DECR2: variants seen among roughly 807,000 people sequenced by gnomAD.
DECR2 encodes the protein peroxisomal 2,4-dienoyl-CoA reductase [(3E)-enoyl-CoA-producing].
DECR2 carries 34 observed loss-of-function variants against 29.2 expected under a neutral mutation model. That is an observed-to-expected ratio of 1.16 (90% CI 0.89 to 1.55). The LOEUF is 1.55. Among genes scored for constraint, DECR2 ranks in the 40% most tolerant of loss-of-function variants. The probability of loss-of-function intolerance (pLI) is 0.00; values close to 1 mark genes in which losing one functional copy is unlikely to be tolerated. For synonymous variants in DECR2, 224 were observed against 182.7 expected, an observed-to-expected ratio of 1.23 and a Z score of -1.82; for missense variants, 485 against 425.3, an observed-to-expected ratio of 1.14 and a Z score of -1.23.
rs1366911231 is a variant in DECR2 at position 410,850 on chromosome 16, C to G, written c.556+66C>G. On this transcript the variant is annotated intron_variant, in intron 6 of 8. Transcript: ENST00000219481. This position sits in a 1 kb window ranked among gnomAD's most constrained non-coding sequence, Gnocchi z 4.1. ...CCCCAATGGGCCGTCTGCTTCCATC[C>G]CAGGAGGCCAGCAGTCTCCACTTGA... 5 of 1,521,632 alleles carry G rather than the reference C, an allele frequency of 3.3e-6. No homozygotes were observed. The highest frequency in any genetic ancestry group is 4.5e-6 in the Non-Finnish European group (5 of 1,123,436). The allele number at this position is 1,521,632 out of a possible 1,614,324, so 94.3% of individuals were successfully genotyped here.
At chr16:406,071 C>T (rs900136038) in intron 2 of DECR2, among the ~76,000 whole-genome samples, 1 of 152,186 alleles carries the variant, frequency 6.6e-6, no homozygotes, top group Admixed American at 6.5e-5. Flanking sequence ...GTGGGCTGGG[C>T]GTCTGTGGCT....
rs2141805834 is a variant in DECR2, at chr16:405,217, C to T, written c.149+193C>T. 7.6e-6 allele frequency: 5 copies of T among 656,968 alleles called. 1 individual carries two copies. In the East Asian group the frequency reaches 1.1e-4, roughly 14 times the overall value. 40.7% of individuals were successfully genotyped at this position (656,968 alleles called of 1,614,324 possible). ...CTGGGGGGAGTCAGGACTTCAAGGC[C>T]CCTACAGGTCAGTGGAGATTGTGTG... is the stretch of plus-strand genomic sequence containing the variant. On this transcript the variant is annotated intron_variant, in intron 2 of 8. Transcript: ENST00000219481.
intron 1 of DECR2, among the ~76,000 whole-genome samples, chr16:402,302 A>C (rs1195675562): frequency 6.6e-6 from 1 of 151,352 alleles, no homozygotes; most frequent in Non-Finnish European, 1.5e-5. Context: ...AGCCCGGCTA[A>C]TTTTTATTTT....
intron 1 of DECR2, among the ~76,000 whole-genome samples, chr16:404,616 T>C (rs1377181324): frequency 6.6e-6 from 1 of 151,760 alleles, no homozygotes; most frequent in East Asian, 1.9e-4. Flanking sequence ...TTTTTATTTA[T>C]TTTTATTTTA....
At chr16:404,165 T>C (rs113245137) in intron 1 of DECR2, among the ~76,000 whole-genome samples, 4,347 of 151,584 alleles carry the variant, frequency 0.029, 205 homozygotes, top group African/African-American at 0.099. Context: ...AGAGCGAGAC[T>C]CCATCTCAAA....
chr16:407,992 TCTCCGGG>T (rs2054754646), intron 4 of DECR2, among the ~76,000 whole-genome samples: 1 of 94,980 alleles, frequency 1.1e-5, no homozygotes, highest in Non-Finnish European at 2.2e-5. Flanking sequence ...CGGGCCCCTG[TCTCCGGG>T]CCTCTGTCTC....
Position 410,480 on chromosome 16 carries a change from T to C in DECR2, c.462+113T>C, listed in dbSNP as rs2054800228. On this transcript the variant is annotated intron_variant, in intron 5 of 8. Transcript: ENST00000219481. The surrounding 1 kb of genome is among the most constrained non-coding windows in gnomAD (Gnocchi z 4.1). ...GCGCTCTGTGAGAAGTTCTTCCGGG[T>C]GGGTGTACTCCCAGCGGGGGCCTCC... is the stretch of plus-strand genomic sequence containing the variant. 1 of 1,516,674 alleles carries C rather than the reference T, an allele frequency of 6.6e-7. No individual in the cohort carries two copies. Among genetic ancestry groups the C allele is most frequent in the Admixed American group, 1.8e-5 (1 of 55,116 alleles). The allele number at this position is 1,516,674 out of a possible 1,614,324, so 94.0% of individuals were successfully genotyped here.
At chr16:405,094 C>G in intron 2 of DECR2, 70 bp downstream of exon 2, 4 of 1,578,278 alleles carry the variant, frequency 2.5e-6, no homozygotes, top group Non-Finnish European at 3.5e-6. Context: ...ATGCCCGACC[C>G]CTGGAAAGAT....
chr16:402,971 T>A (rs967674735), intron 1 of DECR2: 6 of 948,464 alleles, frequency 6.3e-6, no homozygotes, highest in African/African-American at 3.6e-5. Context: ...AGAGTGAAAC[T>A]CCATCTCAAA....
chr16:410,993 C>T lies in DECR2; in HGVS notation c.578C>T (p.Ala193Val). 6.2e-7 allele frequency: 1 copy of T among 1,603,170 alleles called. No individual in the cohort carries two copies. Among genetic ancestry groups the T allele is most frequent in the Non-Finnish European group, 8.5e-7 (1 of 1,175,206 alleles). ...AAVDAMTRHL[A>V]VEWGPQNIRV... is the part of the protein sequence containing the mutation. The stretch of plus-strand genomic sequence containing the variant: ...GCAGACGCGATGACGCGGCACTTGG[C>T]TGTGGAGTGGGGTCCCCAAAACATC... The change falls in exon 7 of 9, where the codon GCT becomes GTT. Residue 193 changes from alanine (A) to valine (V), a missense_variant. Transcript: ENST00000219481. The surrounding 1 kb of genome is among the most constrained non-coding windows in gnomAD (Gnocchi z 4.1).
chr16:402,035 C>T lies in DECR2; in HGVS notation c.72C>T (p.Asp24=), dbSNP rs778395567. 4.0e-5 allele frequency: 58 copies of T among 1,452,212 alleles called. No homozygotes were observed. The highest frequency in any genetic ancestry group is 1.4e-5 in the Non-Finnish European group (16 of 1,105,242). 90.0% of individuals were successfully genotyped at this position (1,452,212 alleles called of 1,614,324 possible). The change falls in exon 1 of 9, where the codon GAC becomes GAT. Residue 24 remains aspartate (D), a synonymous_variant. Transcript: ENST00000219481. ...LPAYRHLFCP[D]LLRDKVAFIT... ...CGTACCGCCACCTCTTCTGCCCGGA[C>T]CTGCTGCGGTGAGCGGGGCCTGGGA...
At chr16:402,348 C>T (rs1391948301) in intron 1 of DECR2, among the ~76,000 whole-genome samples, 1 of 151,852 alleles carries the variant, frequency 6.6e-6, no homozygotes, top group Admixed American at 6.5e-5. Flanking sequence ...TGGTCAGGCT[C>T]TTTTCGAACT....
intron 3 of DECR2, chr16:406,934 C>T: frequency 9.7e-7 from 1 of 1,029,624 alleles, no homozygotes; most frequent in Non-Finnish European, 1.2e-6. Flanking sequence ...TGCACCTATC[C>T]TAAATATGGA....
chr16:406,755 C>T (rs142061667), intron 3 of DECR2: 1 of 696,932 alleles, frequency 1.4e-6, no homozygotes, highest in Non-Finnish European at 2.0e-6. Flanking sequence ...CCACCTCAGC[C>T]TCCCAAAGTG....
At chr16:403,131 C>T (rs1056644876) in intron 1 of DECR2, 1 of 662,096 alleles carries the variant, frequency 1.5e-6, no homozygotes, top group Non-Finnish European at 1.9e-6. Flanking sequence ...CCCAATTCTC[C>T]TGCTTCAGCC....
At chr16:406,539 C>G (rs1446575561) in intron 3 of DECR2, 142 bp downstream of exon 3, 1 of 803,768 alleles carries the variant, frequency 1.2e-6, no homozygotes, top group Non-Finnish European at 2.0e-6. Context: ...GCTCTGTCAC[C>G]CAGGCTGAAG....
chr16:404,804 A>G, intron 1 of DECR2, 152 bp from the exon 2 acceptor site: 1 of 688,160 alleles, frequency 1.5e-6, no homozygotes, highest in Non-Finnish European at 2.4e-6. Flanking sequence ...TGATTTTTGT[A>G]TTTTTAGTAG....
chr16:406,944 A>T, intron 3 of DECR2: 1 of 1,025,210 alleles, frequency 9.8e-7, no homozygotes, highest in South Asian at 3.7e-5. Flanking sequence ...CTAAATATGG[A>T]GCTTCAGTGT....
At chr16:408,100 CCTGTCTCCGGACCT>C (rs1567340857) in intron 4 of DECR2, among the ~76,000 whole-genome samples, 1 of 6,922 alleles carries the variant, frequency 1.4e-4, no homozygotes, top group Non-Finnish European at 2.4e-4. Flanking sequence ...TCTCCAGCCC[CCTGTCTCCGGACCT>C]CTGTCTCCGG....
Sources: allele counts gnomAD v4.1 joint callset (sites outside exome capture counted in the v4.1 genomes callset), GRCh38; gene constraint gnomAD v4.1.1; non-coding constraint Gnocchi (gnomAD v3.1); transcripts MANE v1.5; gene names NCBI Gene and HGNC (gene_info 2026-07-23, HGNC 2026-07-21).